MAGI1: variants seen among roughly 807,000 people sequenced by gnomAD.
The protein encoded by MAGI1 is membrane-associated guanylate kinase, WW and PDZ domain-containing protein 1.
In MAGI1, 58 loss-of-function variants were observed where a neutral mutation model predicts 139.9. That is an observed-to-expected ratio of 0.41 (90% CI 0.34 to 0.52). The LOEUF is 0.52. Ranked by LOEUF, MAGI1 falls within the 20% of genes least tolerant of loss-of-function variation. The probability of loss-of-function intolerance (pLI) is 0.12; values close to 1 mark genes in which losing one functional copy is unlikely to be tolerated. For synonymous variants in MAGI1, 812 were observed against 737.9 expected (o/e 1.10, Z -1.63); for missense variants, 1,874 against 1,901.6 (o/e 0.99, Z 0.27).
At chr3:65,992,623 G>C (rs1305327259) in intron 1 of MAGI1, among the ~76,000 whole-genome samples, 1 of 152,088 alleles carries the variant, frequency 6.6e-6, no homozygotes, top group Non-Finnish European at 1.5e-5. Context: ...CATCTGGGAG[G>C]GCAACCAAAA....
At chr3:65,671,772 C>T (rs1255855948) in intron 1 of MAGI1, among the ~76,000 whole-genome samples, 2 of 152,108 alleles carry the variant, frequency 1.3e-5, no homozygotes, top group African/African-American at 4.8e-5. Context: ...GCTAACAATC[C>T]AGTCTGTGAA....
intron 2 of MAGI1, among the ~76,000 whole-genome samples, chr3:65,565,845 A>T (rs2080594342): frequency 1.4e-5 from 2 of 140,104 alleles, no homozygotes; most frequent in Admixed American, 7.5e-5. Context: ...CGACAGGGCG[A>T]GACTCCGTGT....
intron 1 of MAGI1, among the ~76,000 whole-genome samples, chr3:65,829,690 T>G (rs2042423358): frequency 6.6e-6 from 1 of 152,036 alleles, no homozygotes; most frequent in South Asian, 2.1e-4. Flanking sequence ...AGCATGAGAG[T>G]TGTACAAAAC....
chr3:65,673,608 C>T (rs1229424254), intron 1 of MAGI1, among the ~76,000 whole-genome samples: 3 of 152,134 alleles, frequency 2.0e-5, no homozygotes, highest in African/African-American at 4.8e-5. Flanking sequence ...GCCTCAGTTT[C>T]GTTATCTGTG....
At chr3:65,530,014 T>C (rs11712456) in intron 2 of MAGI1, among the ~76,000 whole-genome samples, 2,983 of 152,258 alleles carry the variant, frequency 0.02, 61 homozygotes, top group Non-Finnish European at 0.03. Context: ...TGTTTACATA[T>C]TACCCATATA....
intron 5 of MAGI1, among the ~76,000 whole-genome samples, chr3:65,465,188 C>T (rs1201527985): frequency 6.6e-6 from 1 of 151,190 alleles, no homozygotes; most frequent in Non-Finnish European, 1.5e-5. Context: ...TGCTTCAACA[C>T]TCAAACCTAA....
chr3:65,376,014 G>T lies in MAGI1; in HGVS notation c.2996-69C>A, dbSNP rs181238916. On this transcript the variant is annotated intron_variant, in intron 17 of 22. Coordinates refer to ENST00000402939, the MANE Select transcript of MAGI1 (RefSeq NM_001033057.2). Reference sequence around the variant, plus strand: ...ATATAGCAAAGGGAAGAGAAAAAGGGTTGAAAAGGGAAAGAGAAGGTTAAG... The same window carrying T: ...ATATAGCAAAGGGAAGAGAAAAAGGTTTGAAAAGGGAAAGAGAAGGTTAAG... 5.2e-6 allele frequency: 6 copies of T among 1,158,594 alleles called. No homozygotes were observed. In the South Asian group the frequency reaches 5.4e-5, roughly 10 times the overall value. The allele number at this position is 1,158,594 out of a possible 1,614,324, so 71.8% of individuals were successfully genotyped here.
intron 1 of MAGI1, among the ~76,000 whole-genome samples, chr3:65,940,453 C>G (rs919652772): frequency 6.6e-6 from 1 of 152,150 alleles, no homozygotes; most frequent in Admixed American, 6.6e-5. Flanking sequence ...CTCACTGTAT[C>G]TTCACGTGGC....
intron 1 of MAGI1, among the ~76,000 whole-genome samples, chr3:65,721,145 G>A (rs574875102): frequency 1.3e-5 from 2 of 152,144 alleles, no homozygotes; most frequent in East Asian, 1.9e-4. Flanking sequence ...TGAGACCAAC[G>A]CCCTATTGCT....
chr3:65,372,999 T>C (rs1189021520), intron 18 of MAGI1, among the ~76,000 whole-genome samples: 6 of 152,214 alleles, frequency 3.9e-5, no homozygotes, highest in African/African-American at 1.4e-4. Flanking sequence ...TTTCTTAAAA[T>C]CCATGTGTTC....
At chr3:65,550,889 T>C (rs910206141) in intron 2 of MAGI1, among the ~76,000 whole-genome samples, 42 of 152,106 alleles carry the variant, frequency 2.8e-4, no homozygotes, top group Admixed American at 7.9e-4. Context: ...GAGGATTGCA[T>C]GGGCCTAGGA....
chr3:65,892,683 T>G (rs915326198), intron 1 of MAGI1, among the ~76,000 whole-genome samples: 1 of 152,180 alleles, frequency 6.6e-6, no homozygotes, highest in African/African-American at 2.4e-5. Context: ...CAGTAAGACT[T>G]ACCTGGGGCA....
At chr3:66,007,717 G>A (rs977282545) in intron 1 of MAGI1, among the ~76,000 whole-genome samples, 2 of 152,076 alleles carry the variant, frequency 1.3e-5, no homozygotes, top group African/African-American at 4.8e-5. Flanking sequence ...AAAATATACT[G>A]CAGACAACAA....
Position 65,356,568 on chromosome 3 carries a change from T to A in MAGI1, c.4199A>T (p.Asp1400Val). ...CTCGGGGGAGCGTGCGCGCCTCCGG[T>A]CGGTGGACTTGGCCCTGCGCTCGGG... ...GSPERRAKSTDRRRARSPERR... is the reference protein window; with the variant it reads ...GSPERRAKSTVRRRARSPERR... Residue 1400 changes from aspartate (D) to valine (V), a missense_variant, in exon 23 of 23, where the codon GAC becomes GTC. Physicochemically the swap from Asp to Val is radical, Grantham distance 152 (BLOSUM62 -3). This residue lies in a region of MAGI1 where 653 missense variants were observed against 644.5 expected (regional missense o/e 1.01). Transcript: ENST00000402939. The A allele has an allele frequency of 6.2e-7, 1 of 1,606,752 alleles. No homozygotes were observed. The highest frequency in any genetic ancestry group is 1.1e-5 in the South Asian group (1 of 90,924).
chr3:65,638,597 ATTTTTTTTTTTTTT>A (rs1173086138), intron 1 of MAGI1, among the ~76,000 whole-genome samples: 5 of 40,998 alleles, frequency 1.2e-4, no homozygotes, highest in Admixed American at 1.2e-3. Context: ...TGCTCTCCTG[ATTTTTTTTTTTTTT>A]TTTTTTTTTT....
chr3:65,429,618 T>C lies in MAGI1; in HGVS notation c.2069A>G (p.Asn690Ser), dbSNP rs746412433. 1.9e-6 allele frequency: 3 copies of C among 1,613,996 alleles called. No homozygotes were observed. Among genetic ancestry groups the C allele is most frequent in the Non-Finnish European group, 2.5e-6 (3 of 1,179,948 alleles). ...LKEGDLIVEVNKKNVQALTHN... is the reference protein window; with the variant it reads ...LKEGDLIVEVSKKNVQALTHN... ...AGTTAGGGCCTGCACGTTCTTCTTA[T>C]TAACTTCCACTATGAGATCCCCTTC... The change falls in exon 12 of 23, where the codon AAT becomes AGT. Residue 690 changes from asparagine (N) to serine (S), a missense_variant. By Grantham distance (46) the Asn-to-Ser change is conservative. This residue lies in a region of MAGI1 where 482 missense variants were observed against 509.6 expected (regional missense o/e 0.95). Coordinates refer to ENST00000402939, the MANE Select transcript of MAGI1 (RefSeq NM_001033057.2).
intron 1 of MAGI1, among the ~76,000 whole-genome samples, chr3:65,880,532 C>A (rs62245744): frequency 0.048 from 7,232 of 152,114 alleles, 237 homozygotes; most frequent in Middle Eastern, 0.12. Context: ...CAATTATGAA[C>A]AAGAAATACT....
chr3:65,456,401 G>A (rs1414338441), intron 5 of MAGI1, among the ~76,000 whole-genome samples: 2 of 151,072 alleles, frequency 1.3e-5, no homozygotes, highest in Non-Finnish European at 2.9e-5. Flanking sequence ...TCACTCCGGA[G>A]TTTTGAGAGT....
chr3:65,858,970 G>A (rs1435054767), intron 1 of MAGI1, among the ~76,000 whole-genome samples: 1 of 152,174 alleles, frequency 6.6e-6, no homozygotes, highest in African/African-American at 2.4e-5. Context: ...AAGAAAGGGA[G>A]GGATGAGAAG....
Sources: allele counts gnomAD v4.1 joint callset (sites outside exome capture counted in the v4.1 genomes callset), GRCh38; gene constraint gnomAD v4.1.1; regional missense constraint gnomAD v4.1.1; transcripts MANE v1.5; gene names NCBI Gene and HGNC (gene_info 2026-07-23, HGNC 2026-07-21).